TNS3: variants seen among roughly 807,000 people sequenced by gnomAD.
TNS3 encodes tensin-3.
In TNS3, 45 loss-of-function variants were observed where a neutral mutation model predicts 140.9. The observed-to-expected ratio is 0.32, with a 90% CI of 0.25 to 0.41. The LOEUF is 0.41. TNS3 is among the 10% of genes least tolerant of loss of function. The pLI is 1.00. For missense variants in TNS3, 1,716 were observed against 1,906.7 expected (o/e 0.90, Z 1.86); for synonymous variants, 815 against 788.4 (o/e 1.03, Z -0.56).
intron 1 of TNS3, among the ~76,000 whole-genome samples, chr7:47,532,341 C>A (rs964460513): frequency 6.6e-6 from 1 of 152,154 alleles, no homozygotes; most frequent in Non-Finnish European, 1.5e-5. Context: ...AGCCCATGGC[C>A]GCCCATGGAC....
intron 24 of TNS3, among the ~76,000 whole-genome samples, chr7:47,294,058 T>C (rs1024403913): frequency 6.6e-6 from 1 of 152,156 alleles, no homozygotes; most frequent in Non-Finnish European, 1.5e-5. Flanking sequence ...GCGGGAACCC[T>C]TGCAATGACA....
chr7:47,537,135 G>C (rs1222229529), intron 1 of TNS3, among the ~76,000 whole-genome samples: 5 of 151,956 alleles, frequency 3.3e-5, no homozygotes, highest in South Asian at 2.1e-4. Flanking sequence ...GCGGGGAGCC[G>C]GGCTCGGCCG....
chr7:47,379,066 C>T (rs1791588892), intron 16 of TNS3, among the ~76,000 whole-genome samples: 1 of 152,192 alleles, frequency 6.6e-6, no homozygotes, highest in Non-Finnish European at 1.5e-5. Flanking sequence ...GAAAACTAGG[C>T]TGTGGCCCAG....
chr7:47,414,997 G>A (rs750681704), intron 11 of TNS3, 97 bp downstream of exon 11: 139 of 885,986 alleles, frequency 1.6e-4, no homozygotes, highest in East Asian at 8.6e-5. Context: ...GGGCCCTCTC[G>A]GAAGGAAAGC....
intron 27 of TNS3, among the ~76,000 whole-genome samples, 197 bp from the exon 28 acceptor site, chr7:47,284,062 C>T (rs1028481378): frequency 2.0e-5 from 3 of 152,220 alleles, no homozygotes; most frequent in African/African-American, 7.2e-5. Context: ...CAAGGATGCA[C>T]TTACTCCCAT....
rs1286371306 is a variant in TNS3 at position 47,506,900 on chromosome 7, T to A, written c.-115+7A>T. 4.7e-6 allele frequency: 6 copies of A among 1,289,242 alleles called. No homozygotes were observed. Among genetic ancestry groups the A allele is most frequent in the Non-Finnish European group, 6.1e-6 (6 of 988,678 alleles). The allele number at this position is 1,289,242 out of a possible 1,614,324, so 79.9% of individuals were successfully genotyped here. A position where few individuals can be genotyped will look rare whatever the true frequency, so the allele number is the denominator to read the frequency against. ...AAAGTCCCATGGGAAAGCAACGGAATGCTTACCTTGGCTTCACATTTCTTG... is the reference window on the plus strand; with the variant it reads ...AAAGTCCCATGGGAAAGCAACGGAAAGCTTACCTTGGCTTCACATTTCTTG... On this transcript the variant is annotated splice_region_variant and intron_variant, in intron 3 of 30. Coordinates refer to ENST00000311160, the MANE Select transcript of TNS3 (RefSeq NM_022748.12).
At chr7:47,391,130 G>T (rs751930990) in intron 16 of TNS3, among the ~76,000 whole-genome samples, 1 of 152,180 alleles carries the variant, frequency 6.6e-6, no homozygotes, top group Non-Finnish European at 1.5e-5. Flanking sequence ...TGTGCTGCTC[G>T]CCTATGCCCC....
chr7:47,521,200 C>A (rs1798964799), intron 2 of TNS3, among the ~76,000 whole-genome samples: 1 of 152,128 alleles, frequency 6.6e-6, no homozygotes, highest in Non-Finnish European at 1.5e-5. Context: ...CCTGCCCCAC[C>A]CACCTCCCAG....
At chr7:47,359,476 G>A (rs565529589) in intron 17 of TNS3, among the ~76,000 whole-genome samples, 1 of 152,230 alleles carries the variant, frequency 6.6e-6, no homozygotes, top group South Asian at 2.1e-4. Flanking sequence ...AGTCATGATG[G>A]TTGCACAGCA....
In TNS3 at chr7:47,425,510, C is replaced by G. The variant is rs144462955; in HGVS notation, c.390-1326G>C. Reference sequence around the variant, plus strand: ...AGTGTGATTTGACTTTCACAGAATACTATAAAATGGACAACTTGCTACGTG... The same window carrying G: ...AGTGTGATTTGACTTTCACAGAATAGTATAAAATGGACAACTTGCTACGTG... On this transcript the variant is annotated intron_variant, in intron 9 of 30. Transcript: ENST00000311160. 2.6e-3 allele frequency among the ~76,000 whole-genome samples: 389 copies of G among 152,220 alleles called. 2 individuals are homozygous for G. The highest frequency in any genetic ancestry group is 9.1e-3 in the African/African-American group (376 of 41,546).
At chr7:47,462,713 G>C (rs1419547106) in intron 4 of TNS3, among the ~76,000 whole-genome samples, 1 of 152,096 alleles carries the variant, frequency 6.6e-6, no homozygotes, top group African/African-American at 2.4e-5. Context: ...ACACAGGCCA[G>C]GTCTGTCTTA....
intron 20 of TNS3, among the ~76,000 whole-genome samples, chr7:47,339,964 T>TAC (rs1471592178): frequency 6.9e-6 from 1 of 143,918 alleles, no homozygotes; most frequent in Non-Finnish European, 1.5e-5. Context: ...GGCATATATA[T>TAC]ATATATATAT....
At chr7:47,551,638 G>A (rs1426050210) in intron 1 of TNS3, among the ~76,000 whole-genome samples, 2 of 152,216 alleles carry the variant, frequency 1.3e-5, no homozygotes, top group Non-Finnish European at 2.9e-5. Context: ...CATTCGCACT[G>A]CAGACCCTGC....
At chr7:47,443,391 C>T (rs1427504912) in intron 4 of TNS3, among the ~76,000 whole-genome samples, 2 of 152,150 alleles carry the variant, frequency 1.3e-5, no homozygotes, top group Admixed American at 1.3e-4. Flanking sequence ...GCTGCACCCC[C>T]TGCTCATCCC....
At chr7:47,365,400 G>C (rs1397885394) in intron 17 of TNS3, among the ~76,000 whole-genome samples, 1 of 150,436 alleles carries the variant, frequency 6.6e-6, no homozygotes, top group Non-Finnish European at 1.5e-5. Context: ...AGCCAAGATT[G>C]TGCCACTGCA....
intron 9 of TNS3, among the ~76,000 whole-genome samples, chr7:47,427,585 T>C (rs1483836148): frequency 2.6e-5 from 4 of 152,194 alleles, no homozygotes; most frequent in African/African-American, 9.7e-5. Context: ...GGTCCGGGTG[T>C]ACACCACAGC....
intron 1 of TNS3, among the ~76,000 whole-genome samples, chr7:47,541,414 C>T (rs915171820): frequency 2.6e-5 from 4 of 152,036 alleles, no homozygotes; most frequent in Non-Finnish European, 2.9e-5. Context: ...TTGGAGGGTG[C>T]GGAGGCTCCA....
At chr7:47,418,519 C>A (rs1358065060) in intron 10 of TNS3, among the ~76,000 whole-genome samples, 2 of 152,172 alleles carry the variant, frequency 1.3e-5, no homozygotes, top group Non-Finnish European at 2.9e-5. Context: ...CCTACTTAGT[C>A]AACACAGTTT....
chr7:47,386,059 C>G (rs1792052207), intron 16 of TNS3, among the ~76,000 whole-genome samples: 2 of 152,236 alleles, frequency 1.3e-5, no homozygotes, highest in African/African-American at 2.4e-5. Context: ...CATAGACTGT[C>G]AACACCATGA....
Sources: allele counts gnomAD v4.1 joint callset (sites outside exome capture counted in the v4.1 genomes callset), GRCh38; gene constraint gnomAD v4.1.1; transcripts MANE v1.5; gene names NCBI Gene and HGNC (gene_info 2026-07-23, HGNC 2026-07-21).